Variants in LNPEP observed in about 807,000 individuals in gnomAD.
LNPEP encodes leucyl-cystinyl aminopeptidase.
In LNPEP, 64 loss-of-function variants were observed where a neutral mutation model predicts 120.6. That is an observed-to-expected ratio of 0.53 (90% CI 0.43 to 0.65). The LOEUF is 0.65. Ranked by LOEUF, LNPEP falls within the 30% of genes least tolerant of loss-of-function variation. The pLI is 0.00. For missense variants in LNPEP, 1,057 were observed against 1,200.0 expected, an observed-to-expected ratio of 0.88 and a Z score of 1.76; for synonymous variants, 435 against 425.4, an observed-to-expected ratio of 1.02 and a Z score of -0.28.
chr5:97,025,009 G>A (rs1436585518), intron 15 of LNPEP, among the ~76,000 whole-genome samples: 2 of 152,088 alleles, frequency 1.3e-5, no homozygotes, highest in Admixed American at 1.3e-4. Flanking sequence ...ATTGCTTTGT[G>A]CAAGCTGTCA....
chr5:96,993,689 G>T (rs879038332), intron 5 of LNPEP, 128 bp from the exon 6 acceptor site: 42 of 895,072 alleles, frequency 4.7e-5, no homozygotes, highest in South Asian at 3.1e-4. Context: ...GAATAAGGAA[G>T]ATTCCATTTA....
At chr5:96,994,079 C>G (rs1790453038) in intron 6 of LNPEP, 108 bp downstream of exon 6, 1 of 850,468 alleles carries the variant, frequency 1.2e-6, no homozygotes, top group Admixed American at 2.6e-5. Context: ...TAAGCATTGC[C>G]TTCTTTTATA....
At chr5:96,995,124 A>G (rs917875527) in intron 6 of LNPEP, among the ~76,000 whole-genome samples, 1 of 152,152 alleles carries the variant, frequency 6.6e-6, no homozygotes, top group Non-Finnish European at 1.5e-5. Context: ...AATAGGTCAT[A>G]TAGATAAGAT....
chr5:97,008,180 T>C (rs1582023769), intron 11 of LNPEP, among the ~76,000 whole-genome samples: 1 of 152,054 alleles, frequency 6.6e-6, no homozygotes, highest in East Asian at 1.9e-4. Flanking sequence ...AGCTAAAACA[T>C]GGCTGGAGTA....
At chr5:97,015,788 C>A in intron 13 of LNPEP, among the ~76,000 whole-genome samples, 1 of 152,056 alleles carries the variant, frequency 6.6e-6, no homozygotes, top group East Asian at 1.9e-4. Flanking sequence ...AGGCAAAAGG[C>A]AGCTTTTAGG....
chr5:97,022,540 A>C (rs1791229910), intron 14 of LNPEP, 56 bp downstream of exon 14: 7 of 1,356,936 alleles, frequency 5.2e-6, no homozygotes, highest in Non-Finnish European at 7.3e-6. Context: ...TTCACATCAT[A>C]TACAGTATCC....
rs1436774034 is a variant in LNPEP, at chr5:96,996,077, G to A, written c.1408-313G>A. ...TCACTTTATGAGGTGGCCGAAAAAA[G>A]TTTTTATTTCCCTATATTCATGCTA... On this transcript the variant is annotated intron_variant, in intron 6 of 17. Transcript: ENST00000231368. 3 of 177,642 alleles carry A rather than the reference G, an allele frequency of 1.7e-5. No homozygotes were observed. The Admixed American group carries it at 1.9e-4, about 11-fold the overall frequency. 11.0% of individuals were successfully genotyped at this position (177,642 alleles called of 1,614,324 possible).
intron 8 of LNPEP, among the ~76,000 whole-genome samples, chr5:96,999,590 C>T (rs919378588): frequency 6.6e-6 from 1 of 151,996 alleles, no homozygotes; most frequent in Non-Finnish European, 1.5e-5. Context: ...TGTTATTATA[C>T]CAAACTTAGA....
At chr5:97,019,697 T>C (rs1180419374) in intron 13 of LNPEP, among the ~76,000 whole-genome samples, 3 of 152,206 alleles carry the variant, frequency 2.0e-5, no homozygotes, top group African/African-American at 7.2e-5. Flanking sequence ...TTTAGTAAAC[T>C]CTCAATGAGT....
At chr5:96,975,319 T>C (rs1483286714) in intron 1 of LNPEP, among the ~76,000 whole-genome samples, 1 of 152,200 alleles carries the variant, frequency 6.6e-6, no homozygotes, top group Non-Finnish European at 1.5e-5. Context: ...AAAGACTATA[T>C]TCTCAATCTC....
Position 96,985,061 on chromosome 5 carries a change from G to C in LNPEP, c.861-19G>C. 6.2e-7 allele frequency: 1 copy of C among 1,613,402 alleles called. No homozygotes were observed. Among genetic ancestry groups the C allele is most frequent in the Non-Finnish European group, 8.5e-7 (1 of 1,179,518 alleles). On this transcript the variant is annotated intron_variant, in intron 2 of 17. Transcript: ENST00000231368. ...GTAGGTGCTCAGTAACTACTGGATT[G>C]AATTTGTGTTTGTTTTAGGTACTTT...
chr5:96,969,673 C>T (rs1789813685), intron 1 of LNPEP, among the ~76,000 whole-genome samples: 1 of 151,454 alleles, frequency 6.6e-6, no homozygotes, highest in Non-Finnish European at 1.5e-5. Context: ...ACTTTCCTGC[C>T]CTCTAGCAGC....
chr5:97,008,276 A>G (rs1318208892), intron 11 of LNPEP, among the ~76,000 whole-genome samples: 1 of 151,600 alleles, frequency 6.6e-6, no homozygotes, highest in African/African-American at 2.4e-5. Flanking sequence ...GGGCAATAAG[A>G]AATCTGCTTT....
In LNPEP at chr5:97,036,501, A is replaced by G. The variant is rs1791575482; in HGVS notation, c.*7968A>G. The G allele has an allele frequency of 6.6e-6, 1 of 152,148 alleles. No individual in the cohort carries two copies. Among genetic ancestry groups the G allele is most frequent in the African/African-American group, 2.4e-5 (1 of 41,430 alleles). 9.4% of individuals were successfully genotyped at this position (152,148 alleles called of 1,614,324 possible). A position where few individuals can be genotyped will look rare whatever the true frequency, so the allele number is the denominator to read the frequency against. The stretch of plus-strand genomic sequence containing the variant: ...TGTTCGCTTTAAGCATTCTTATATC[A>G]CACTGTCTCCTCATCTACCATATGG... On this transcript the variant is annotated 3_prime_UTR_variant, in exon 18 of 18. Transcript: ENST00000231368.
chr5:97,004,529 A>T (rs1434101283), intron 9 of LNPEP, among the ~76,000 whole-genome samples: 1 of 152,054 alleles, frequency 6.6e-6, no homozygotes, highest in Non-Finnish European at 1.5e-5. Flanking sequence ...AAAAAAAAGA[A>T]AGAAAGATCA....
chr5:97,007,424 G>A (rs1019516763), intron 11 of LNPEP, among the ~76,000 whole-genome samples: 1 of 152,148 alleles, frequency 6.6e-6, no homozygotes, highest in Non-Finnish European at 1.5e-5. Context: ...CTTACTTTAT[G>A]TAGTTGTGGT....
chr5:97,006,373 T>TAA (rs3835054), intron 10 of LNPEP, 54 bp from the exon 11 acceptor site: 230 of 1,082,734 alleles, frequency 2.1e-4, no homozygotes, highest in East Asian at 9.8e-4. Flanking sequence ...CCTACCAAAT[T>TAA]AAAAAAAAAA....
At position 97,010,253 on chromosome 5, in the gene LNPEP, G is replaced by A. The variant is rs181611762; in HGVS notation, c.2036-3395G>A. The A allele has an allele frequency of 2.3e-4, 217 of 958,730 alleles. 1 individual carries two copies. Among genetic ancestry groups the A allele is most frequent in the Middle Eastern group, 5.4e-4 (1 of 1,856 alleles). The allele number at this position is 958,730 out of a possible 1,614,324, so 59.4% of individuals were successfully genotyped here. A position where few individuals can be genotyped will look rare whatever the true frequency, so the allele number is the denominator to read the frequency against. Reference sequence around the variant, plus strand: ...TCAGACCTAAGATCTTTAACTATAGGAGATTTTCGTATTAAATCTAATGCA... The same window carrying A: ...TCAGACCTAAGATCTTTAACTATAGAAGATTTTCGTATTAAATCTAATGCA... On this transcript the variant is annotated intron_variant, in intron 11 of 17. Coordinates refer to ENST00000231368, the MANE Select transcript of LNPEP (RefSeq NM_005575.3).
intron 1 of LNPEP, among the ~76,000 whole-genome samples, chr5:96,946,074 G>T (rs1206415697): frequency 6.6e-6 from 1 of 152,196 alleles, no homozygotes; most frequent in Non-Finnish European, 1.5e-5. Flanking sequence ...TTGGTGAGAG[G>T]AGCTAGTGTG....
Sources: gnomAD v4.1 joint callset for allele counts (sites outside exome capture counted in the v4.1 genomes callset) on GRCh38, gnomAD v4.1.1 for gene constraint, MANE v1.5 for transcripts, NCBI Gene and HGNC (gene_info 2026-07-23, HGNC 2026-07-21) for gene names.